Variants in ANKRD44 observed in about 807,000 individuals in gnomAD.
ANKRD44 encodes the protein ankyrin repeat domain 44, also known as serine/threonine-protein phosphatase 6 regulatory ankyrin repeat subunit B.
In ANKRD44, 35 loss-of-function variants were observed where a neutral mutation model predicts 116.0. That is an observed-to-expected ratio of 0.30 (90% CI 0.23 to 0.40). The LOEUF is 0.40. ANKRD44 is among the 10% of genes least tolerant of loss of function. ANKRD44 has a pLI of 1.00. For missense variants in ANKRD44, 1,014 were observed against 1,242.6 expected (o/e 0.82, Z 2.77); for synonymous variants, 435 against 461.8 (o/e 0.94, Z 0.74).
chr2:197,303,981 T>C (rs751525522), intron 1 of ANKRD44, among the ~76,000 whole-genome samples: 11 of 152,148 alleles, frequency 7.2e-5, no homozygotes, highest in Admixed American at 3.3e-4. Flanking sequence ...AATATATTGG[T>C]TAAAAGGTTA....
chr2:197,259,925 G>A (rs2082551532), intron 1 of ANKRD44, among the ~76,000 whole-genome samples: 2 of 149,708 alleles, frequency 1.3e-5, no homozygotes, highest in South Asian at 2.1e-4. Flanking sequence ...TTTGAGGGGG[G>A]AAAAAAAAAG....
At chr2:196,974,992 A>G (rs1298107349) in intron 21 of ANKRD44, among the ~76,000 whole-genome samples, 2 of 152,164 alleles carry the variant, frequency 1.3e-5, no homozygotes, top group Non-Finnish European at 2.9e-5. Context: ...TAAATGAAAT[A>G]GAGAACAGAA....
intron 3 of ANKRD44, among the ~76,000 whole-genome samples, chr2:197,142,312 G>GA (rs2079386912): frequency 6.6e-6 from 1 of 152,158 alleles, no homozygotes; most frequent in Non-Finnish European, 1.5e-5. Context: ...GAGTGTGACT[G>GA]AAAAATCTCA....
chr2:197,265,423 T>A (rs1193565345), intron 1 of ANKRD44, among the ~76,000 whole-genome samples: 1 of 152,002 alleles, frequency 6.6e-6, no homozygotes, highest in African/African-American at 2.4e-5. Flanking sequence ...TTTTTTGAAT[T>A]TTTAGTAGAG....
chr2:197,145,706 G>A (rs923723371), intron 3 of ANKRD44, among the ~76,000 whole-genome samples: 3 of 152,296 alleles, frequency 2.0e-5, no homozygotes, highest in African/African-American at 2.4e-5. Context: ...AATAAGGGCC[G>A]TGTTGCTTAT....
intron 16 of ANKRD44, among the ~76,000 whole-genome samples, chr2:197,037,936 T>TGTC (rs1237876669): frequency 6.6e-6 from 1 of 151,984 alleles, no homozygotes; most frequent in Non-Finnish European, 1.5e-5. Context: ...GGTAAGACCT[T>TGTC]GTCTTAAAAA....
intron 21 of ANKRD44, among the ~76,000 whole-genome samples, chr2:197,004,194 T>C (rs1425857094): frequency 2.0e-5 from 3 of 152,210 alleles, no homozygotes; most frequent in Non-Finnish European, 4.4e-5. Flanking sequence ...GATCTTGGTT[T>C]TGTTCATTGA....
At chr2:197,282,831 G>A (rs955742896) in intron 1 of ANKRD44, among the ~76,000 whole-genome samples, 8 of 152,026 alleles carry the variant, frequency 5.3e-5, no homozygotes, top group African/African-American at 7.3e-5. Flanking sequence ...AATGACATGT[G>A]CCTGTAATCC....
intron 1 of ANKRD44, among the ~76,000 whole-genome samples, chr2:197,208,656 C>T (rs7601918): frequency 0.065 from 9,846 of 151,792 alleles, 1,077 homozygotes; most frequent in African/African-American, 0.22. Flanking sequence ...AAAAATTAGC[C>T]GAGCGTGGTG....
chr2:197,009,936 T>C (rs2076267795), intron 18 of ANKRD44, among the ~76,000 whole-genome samples: 2 of 152,100 alleles, frequency 1.3e-5, no homozygotes, highest in South Asian at 4.1e-4. Context: ...TTTGTTCCTC[T>C]GAGTCACCCA....
intron 1 of ANKRD44, among the ~76,000 whole-genome samples, chr2:197,285,060 C>A (rs2083372164): frequency 6.6e-6 from 1 of 151,704 alleles, no homozygotes; most frequent in African/African-American, 2.4e-5. Flanking sequence ...AGAAGGCTCC[C>A]TAAAAGATGT....
intron 15 of ANKRD44, among the ~76,000 whole-genome samples, chr2:197,080,764 C>G (rs1574417878): frequency 6.6e-6 from 1 of 152,058 alleles, no homozygotes; most frequent in Non-Finnish European, 1.5e-5. Context: ...AGTGGAAAAC[C>G]CTGGAGTAGA....
chr2:197,305,555 G>A (rs185110991), intron 1 of ANKRD44, among the ~76,000 whole-genome samples: 11 of 152,018 alleles, frequency 7.2e-5, no homozygotes, highest in African/African-American at 1.4e-4. Flanking sequence ...TTTTGAGTTC[G>A]TATTTGCTCT....
At chr2:197,309,840 G>A (rs1008945662) in intron 1 of ANKRD44, among the ~76,000 whole-genome samples, 4 of 152,170 alleles carry the variant, frequency 2.6e-5, no homozygotes, top group African/African-American at 9.7e-5. Context: ...ATCCGATTCA[G>A]CAAATAACCC....
intron 2 of ANKRD44, among the ~76,000 whole-genome samples, chr2:197,178,111 C>T (rs1051275089): frequency 6.6e-6 from 1 of 152,124 alleles, no homozygotes; most frequent in South Asian, 2.1e-4. Flanking sequence ...ACAAATTACT[C>T]TCCCCAAAAA....
At chr2:197,100,678 T>C (rs1331101723) in intron 9 of ANKRD44, among the ~76,000 whole-genome samples, 1 of 152,216 alleles carries the variant, frequency 6.6e-6, no homozygotes, top group Non-Finnish European at 1.5e-5. Flanking sequence ...AGGAAATGAT[T>C]TCATGTAATT....
intron 25 of ANKRD44, 35 bp downstream of exon 25, chr2:196,998,302 C>T (rs75547979): frequency 8.4e-6 from 12 of 1,424,276 alleles, no homozygotes; most frequent in Admixed American, 3.4e-5. Context: ...ATTATTATAA[C>T]GTGAAGTAAT....
At chr2:197,079,296 T>A (rs1413346987) in intron 15 of ANKRD44, among the ~76,000 whole-genome samples, 2 of 151,414 alleles carry the variant, frequency 1.3e-5, no homozygotes, top group Non-Finnish European at 2.9e-5. Context: ...GAAAAAAAAA[T>A]AAGAATAGCC....
At chr2:197,070,704 C>CTGTGTGTG (rs74281028) in intron 16 of ANKRD44, among the ~76,000 whole-genome samples, 2 of 151,156 alleles carry the variant, frequency 1.3e-5, no homozygotes, top group Non-Finnish European at 3.0e-5. Context: ...CTCTCGCTCT[C>CTGTGTGTG]TGTGTGTGTG....
Sources: gnomAD v4.1 joint callset for allele counts (sites outside exome capture counted in the v4.1 genomes callset) on GRCh38, gnomAD v4.1.1 for gene constraint, MANE v1.5 for transcripts, NCBI Gene and HGNC (gene_info 2026-07-23, HGNC 2026-07-21) for gene names.